RSPO1: variants seen among roughly 807,000 people sequenced by gnomAD.
The protein encoded by RSPO1 is R-spondin-1.
RSPO1 carries 18 observed loss-of-function variants against 26.0 expected under a neutral mutation model. That is an observed-to-expected ratio of 0.69 (90% confidence interval 0.48 to 1.03). RSPO1 has a LOEUF of 1.03. Ranked by LOEUF, RSPO1 falls within the 50% of genes least tolerant of loss-of-function variation. The pLI is 0.00. For missense variants in RSPO1, 309 were observed against 352.3 expected, an observed-to-expected ratio of 0.88 and a Z score of 0.98; for synonymous variants, 133 against 137.4, an observed-to-expected ratio of 0.97 and a Z score of 0.22.
chr1:37,612,610 C>A lies in RSPO1; in HGVS notation c.*145G>T. The A allele has an allele frequency of 1.2e-6, 1 of 841,970 alleles. No homozygotes were observed. Among genetic ancestry groups the A allele is most frequent in the Non-Finnish European group, 2.0e-6 (1 of 504,774 alleles). The allele number at this position is 841,970 out of a possible 1,614,324, so 52.2% of individuals were successfully genotyped here. On this transcript the variant is annotated 3_prime_UTR_variant, in exon 7 of 7. Coordinates refer to ENST00000356545, the MANE Select transcript of RSPO1 (RefSeq NM_001242908.2). ...TTGTATATGTGGACAGGGGTTTGAG[C>A]GTGTGTGTCTTGTGTCTATGTATGC...
At chr1:37,623,651 C>T (rs771403281) in intron 3 of RSPO1, among the ~76,000 whole-genome samples, 13 of 151,464 alleles carry the variant, frequency 8.6e-5, no homozygotes, top group Non-Finnish European at 1.6e-4. Context: ...GAGGCTGAGG[C>T]AGGATCCCTT....
intron 3 of RSPO1, among the ~76,000 whole-genome samples, chr1:37,621,509 A>G (rs1168598550): frequency 6.6e-6 from 1 of 152,104 alleles, no homozygotes; most frequent in Non-Finnish European, 1.5e-5. Context: ...AGGGTGATGC[A>G]TTCAACAAGA....
intron 2 of RSPO1, among the ~76,000 whole-genome samples, chr1:37,630,205 A>G (rs1024404359): frequency 7.2e-5 from 11 of 152,222 alleles, no homozygotes; most frequent in African/African-American, 2.7e-4. Flanking sequence ...ATGATTTCTC[A>G]ATAACGGGAG....
At chr1:37,616,943 A>C (rs964917837) in intron 3 of RSPO1, among the ~76,000 whole-genome samples, 10 of 152,190 alleles carry the variant, frequency 6.6e-5, no homozygotes, top group Non-Finnish European at 1.2e-4. Flanking sequence ...GGCTGGCTCC[A>C]CCATCCCCAG....
intron 3 of RSPO1, among the ~76,000 whole-genome samples, chr1:37,618,744 G>A (rs547227138): frequency 6.6e-6 from 1 of 152,154 alleles, no homozygotes; most frequent in African/African-American, 2.4e-5. Context: ...CCTGGGGTGT[G>A]GGTGAGCTGT....
rs954262573 is a variant in RSPO1, at chr1:37,634,763, C to T, written c.-553G>A. ...GGCGCATCGGTCCTCCGGGGCGGCT[C>T]GGAGCTGCCCTCGTTCTCCGCAGCA... On this transcript the variant is annotated 5_prime_UTR_variant, in exon 1 of 7. Transcript: ENST00000356545. The surrounding 1 kb of genome is among the most constrained non-coding windows in gnomAD (Gnocchi z 4.7). 3.5e-4 allele frequency: 53 copies of T among 152,392 alleles called. No homozygotes were observed. The highest frequency in any genetic ancestry group is 1.1e-3 in the African/African-American group (47 of 41,590). The allele number at this position is 152,392 out of a possible 1,614,324, so 9.4% of individuals were successfully genotyped here.
intron 3 of RSPO1, among the ~76,000 whole-genome samples, chr1:37,620,672 TAAA>T (rs1644187486): frequency 6.7e-6 from 1 of 148,998 alleles, no homozygotes; most frequent in Admixed American, 6.7e-5. Flanking sequence ...ATGATAAAAA[TAAA>T]AATCACGATC....
Position 37,629,802 on chromosome 1 carries a change from C to A in RSPO1, c.-141G>T, listed in dbSNP as rs1178959331. ...GGCCGTAGCCCAAATCCACCATAAT[C>A]TCAGCTGGGGACAGAGAGGGTGTGG... On this transcript the variant is annotated 5_prime_UTR_variant, in exon 3 of 7. Transcript: ENST00000356545. 8.4e-6 allele frequency: 13 copies of A among 1,551,060 alleles called. No individual in the cohort carries two copies. Among genetic ancestry groups the A allele is most frequent in the Non-Finnish European group, 9.6e-6 (11 of 1,146,682 alleles).
intron 2 of RSPO1, among the ~76,000 whole-genome samples, chr1:37,630,809 G>A (rs934829578): frequency 2.6e-5 from 4 of 152,212 alleles, no homozygotes; most frequent in East Asian, 3.9e-4. Context: ...CCACAGCAGC[G>A]GCCTGCCCAC....
rs1183768922 is a variant in RSPO1 at position 37,613,129 on chromosome 1, A to C, written c.626-208T>G. ...CCCCGAGGCTTGAGTACTGGGAGGC[A>C]GCCCAAGAGCCCTTTCACTCCCCAA... is the stretch of plus-strand genomic sequence containing the variant. On this transcript the variant is annotated intron_variant, in intron 6 of 6. Transcript: ENST00000356545. This position sits in a 1 kb window ranked among gnomAD's most constrained non-coding sequence, Gnocchi z 4.5. 6.6e-6 allele frequency among the ~76,000 whole-genome samples: 1 copy of C among 152,216 alleles called. No individual in the cohort carries two copies. Among genetic ancestry groups the C allele is most frequent in the African/African-American group, 2.4e-5 (1 of 41,458 alleles).
intron 1 of RSPO1, among the ~76,000 whole-genome samples, chr1:37,632,629 T>C (rs1479850383): frequency 6.6e-6 from 1 of 152,194 alleles, no homozygotes; most frequent in Admixed American, 6.5e-5. Context: ...GATCTTCTGA[T>C]TTTCTAAAAG....
At chr1:37,622,206 C>T (rs1226909275) in intron 3 of RSPO1, among the ~76,000 whole-genome samples, 1 of 152,148 alleles carries the variant, frequency 6.6e-6, no homozygotes, top group Non-Finnish European at 1.5e-5. Context: ...GGCATCAACA[C>T]GACAATTGCT....
rs1391692014 is a variant in RSPO1 at position 37,629,655 on chromosome 1, G to C, written c.7C>G (p.Leu3Val). The C allele has an allele frequency of 6.2e-7, 1 of 1,614,086 alleles. No individual in the cohort carries two copies. The highest frequency in any genetic ancestry group is 1.7e-5 in the Admixed American group (1 of 60,008). MR[L>V]GLCVVALVLS... is the part of the protein sequence containing the mutation. The stretch of plus-strand genomic sequence containing the variant: ...ACCAGGGCCACCACACACAGCCCAA[G>C]CCGCATAGTCACGCGCCAGCTCCAG... Residue 3 changes from leucine to valine, a missense_variant, in exon 3 of 7, where the codon CTT becomes GTT. Coordinates refer to ENST00000356545, the MANE Select transcript of RSPO1 (RefSeq NM_001242908.2).
Position 37,612,499 on chromosome 1 carries a change from GGTGTGTGTGTGT to G in RSPO1, c.*244_*255del. On this transcript the variant is annotated 3_prime_UTR_variant, in exon 7 of 7. Coordinates refer to ENST00000356545, the MANE Select transcript of RSPO1 (RefSeq NM_001242908.2). ...ATGGAAGTGTCTTCTGGTGGCCTCAGGTGTGTGTGTGTGTGTGTGTGTATGTGTGTGTGTGGT... is the reference window on the plus strand; with the variant it reads ...ATGGAAGTGTCTTCTGGTGGCCTCAGGTGTGTGTGTATGTGTGTGTGTGGT... 2.0e-6 allele frequency: 1 copy of G among 509,374 alleles called. No homozygotes were observed. The highest frequency in any genetic ancestry group is 2.3e-5 in the South Asian group (1 of 43,650). The allele number at this position is 509,374 out of a possible 1,614,324, so 31.6% of individuals were successfully genotyped here.
intron 3 of RSPO1, among the ~76,000 whole-genome samples, 168 bp from the exon 4 acceptor site, chr1:37,616,843 AC>A (rs1335677871): frequency 6.6e-6 from 1 of 152,118 alleles, no homozygotes; most frequent in African/African-American, 2.4e-5. Context: ...TGCTTTATAC[AC>A]CTTCCCAGTA....
chr1:37,629,984 A>C (rs1644333136), intron 2 of RSPO1, 35 bp from the exon 3 acceptor site: 2 of 946,142 alleles, frequency 2.1e-6, no homozygotes, highest in African/African-American at 1.6e-5. Flanking sequence ...TTAATTCTGT[A>C]GTACCATGAA....
At chr1:37,630,573 C>G (rs890323409) in intron 2 of RSPO1, among the ~76,000 whole-genome samples, 1 of 152,236 alleles carries the variant, frequency 6.6e-6, no homozygotes, top group South Asian at 2.1e-4. Context: ...CAGCAATGCC[C>G]GCCCTGGCCA....
chr1:37,614,434 A>G, intron 4 of RSPO1, 101 bp from the exon 5 acceptor site: 2 of 1,339,800 alleles, frequency 1.5e-6, no homozygotes, highest in Non-Finnish European at 2.1e-6. Context: ...ACCCACCTAC[A>G]TGGAGGGCAG....
chr1:37,629,258 ACATAATCCACAAAGG>A (rs1365249220), intron 3 of RSPO1, among the ~76,000 whole-genome samples: 1 of 152,232 alleles, frequency 6.6e-6, no homozygotes, highest in Non-Finnish European at 1.5e-5. Context: ...ATGTCAAAGC[ACATAATCCACAAAGG>A]CATAATCCAC....
Sources: allele counts gnomAD v4.1 joint callset (sites outside exome capture counted in the v4.1 genomes callset), GRCh38; gene constraint gnomAD v4.1.1; non-coding constraint Gnocchi (gnomAD v3.1); transcripts MANE v1.5; gene names NCBI Gene and HGNC (gene_info 2026-07-23, HGNC 2026-07-21).